The following MCPH1 variants were observed in gnomAD, a reference collection of about 807,000 sequenced individuals.
MCPH1 encodes microcephalin 1.
MCPH1 carries 104 observed loss-of-function variants against 84.5 expected under a neutral mutation model. The observed-to-expected ratio is 1.23, with a 90% confidence interval of 1.05 to 1.45. The LOEUF (loss-of-function observed/expected upper bound fraction) is 1.45, where lower values mean the gene tolerates loss of function less well. MCPH1 is among the 40% of genes most tolerant of loss of function. The pLI is 0.00. For synonymous variants in MCPH1, 514 were observed against 366.8 expected (o/e 1.40, Z -4.58); for missense variants, 1,498 against 1,005.7 (o/e 1.49, Z -6.62).
chr8:6,588,669 C>A (rs534956392), intron 12 of MCPH1, among the ~76,000 whole-genome samples: 1 of 152,388 alleles, frequency 6.6e-6, no homozygotes, highest in African/African-American at 2.4e-5. Context: ...CTGCTCTCCC[C>A]TGTCCTGCAG....
At chr8:6,578,459 TCA>T (rs1827289490) in intron 12 of MCPH1, among the ~76,000 whole-genome samples, 2 of 152,178 alleles carry the variant, frequency 1.3e-5, no homozygotes, top group Admixed American at 1.3e-4. Flanking sequence ...TGCCGATTTT[TCA>T]GAGTACATTT....
rs1434262147 is a variant in MCPH1, at chr8:6,453,617, G to A, written c.1826-1526G>A. On this transcript the variant is annotated intron_variant, in intron 8 of 13. Coordinates refer to ENST00000344683, the MANE Select transcript of MCPH1 (RefSeq NM_024596.5). ...TCCCAAATTATATCTCTAGTCCACT[G>A]CTTTTCCGATTTTGACACACTCATG... Among the ~76,000 whole-genome samples, 5 of 152,110 alleles carry A rather than the reference G, an allele frequency of 3.3e-5. 1 individual carries two copies. Among genetic ancestry groups the A allele is most frequent in the African/African-American group, 1.2e-4 (5 of 41,410 alleles).
At chr8:6,625,652 C>T (rs1049215277) in intron 13 of MCPH1, 6 of 985,308 alleles carry the variant, frequency 6.1e-6, no homozygotes, top group Non-Finnish European at 7.2e-6. Context: ...GTAATTTGAG[C>T]CGGGCGTGGT....
rs113035607 is a variant in MCPH1 at position 6,475,652 on chromosome 8, A to G, written c.1936-1942A>G. Among the ~76,000 whole-genome samples the G allele has an allele frequency of 3.6e-4, 55 of 152,338 alleles. 1 individual carries two copies. The highest frequency in any genetic ancestry group is 1.3e-3 in the African/African-American group (52 of 41,586). ...CAATGCTCTATCCCCAGGTCACCAGAAGAATGAATGAAGTGTCAGGCATAG... is the reference window on the plus strand; with the variant it reads ...CAATGCTCTATCCCCAGGTCACCAGGAGAATGAATGAAGTGTCAGGCATAG... On this transcript the variant is annotated intron_variant, in intron 9 of 13. Coordinates refer to ENST00000344683, the MANE Select transcript of MCPH1 (RefSeq NM_024596.5).
intron 12 of MCPH1, among the ~76,000 whole-genome samples, chr8:6,558,639 T>C (rs929888807): frequency 3.9e-5 from 6 of 152,178 alleles, no homozygotes; most frequent in African/African-American, 1.4e-4. Flanking sequence ...GTATTTAGAC[T>C]ATATGGATTA....
chr8:6,626,703 A>C (rs991278144), intron 13 of MCPH1: 11 of 984,986 alleles, frequency 1.1e-5, no homozygotes, highest in Non-Finnish European at 1.3e-5. Context: ...CGAAACGAAG[A>C]CCCTGGGGTC....
chr8:6,468,926 T>C (rs1807346169), intron 9 of MCPH1, among the ~76,000 whole-genome samples: 1 of 152,190 alleles, frequency 6.6e-6, no homozygotes, highest in African/African-American at 2.4e-5. Flanking sequence ...CAGTGGCTCA[T>C]GCTTGTAATC....
At chr8:6,417,583 A>G (rs1274721792) in intron 3 of MCPH1, among the ~76,000 whole-genome samples, 2 of 151,870 alleles carry the variant, frequency 1.3e-5, no homozygotes, top group Non-Finnish European at 2.9e-5. Flanking sequence ...CATCAAATCC[A>G]TTCTGCTACT....
intron 3 of MCPH1, among the ~76,000 whole-genome samples, chr8:6,424,460 C>A (rs1162600158): frequency 1.3e-5 from 2 of 152,270 alleles, no homozygotes; most frequent in East Asian, 3.9e-4. Flanking sequence ...CGGCTCCTTT[C>A]CTCCCGGAAT....
rs200820759 is a variant in MCPH1, at chr8:6,621,533, C to T, written c.2294C>T (p.Ser765Leu). The change falls in exon 13 of 14, where the codon TCG (serine) becomes TTG (leucine). Residue 765 changes from serine (S) to leucine (L), a missense_variant. Ser to Leu is a moderately radical substitution (Grantham distance 145). Transcript: ENST00000344683. ...GCCGACCAGCCAGCGATGTTTGTCT[C>T]GCCTGCCAGCAGCCCCCCAGTGGCC... The part of the protein sequence containing the change: ...LFADQPAMFV[S>L]PASSPPVAKL... 1 of 1,614,218 alleles carries T rather than the reference C, an allele frequency of 6.2e-7. No individual in the cohort carries two copies. Among genetic ancestry groups the T allele is most frequent in the Admixed American group, 1.7e-5 (1 of 60,022 alleles).
At chr8:6,506,040 C>A (rs1813661901) in intron 12 of MCPH1, among the ~76,000 whole-genome samples, 1 of 142,654 alleles carries the variant, frequency 7.0e-6, no homozygotes, top group African/African-American at 2.6e-5. Context: ...TATATATATT[C>A]TTTATATATA....
intron 9 of MCPH1, among the ~76,000 whole-genome samples, chr8:6,468,989 G>A (rs1807360793): frequency 6.6e-6 from 1 of 152,116 alleles, no homozygotes. Context: ...AGGAGTTCAA[G>A]ACCAGCCTGG....
intron 10 of MCPH1, among the ~76,000 whole-genome samples, chr8:6,478,381 A>T (rs748473216): frequency 2.0e-5 from 3 of 152,366 alleles, no homozygotes; most frequent in Admixed American, 2.0e-4. Context: ...TATGAAATAT[A>T]TTGAACATTC....
chr8:6,429,901 C>G (rs535390486), intron 3 of MCPH1, among the ~76,000 whole-genome samples: 3 of 152,312 alleles, frequency 2.0e-5, no homozygotes, highest in Non-Finnish European at 4.4e-5. Context: ...GGACAGGGTC[C>G]AAGCTCATTA....
intron 8 of MCPH1, among the ~76,000 whole-genome samples, chr8:6,453,270 A>G (rs769531072): frequency 1.3e-5 from 2 of 152,208 alleles, no homozygotes; most frequent in African/African-American, 4.8e-5. Flanking sequence ...ACCGATGTCA[A>G]TGTTAAAACC....
chr8:6,596,467 G>T (rs557384729), intron 12 of MCPH1, among the ~76,000 whole-genome samples: 3 of 152,202 alleles, frequency 2.0e-5, no homozygotes, highest in African/African-American at 7.2e-5. Flanking sequence ...TGTGTCTAAC[G>T]TAGGTATCTT....
intron 12 of MCPH1, among the ~76,000 whole-genome samples, chr8:6,576,271 C>T (rs574689219): frequency 1.0e-3 from 154 of 152,242 alleles, no homozygotes; most frequent in Middle Eastern, 6.8e-3. Context: ...TGCAGCCACC[C>T]TATAAAAGAA....
chr8:6,582,237 C>T (rs143755588), intron 12 of MCPH1, among the ~76,000 whole-genome samples: 6 of 152,324 alleles, frequency 3.9e-5, no homozygotes, highest in East Asian at 3.9e-4. Flanking sequence ...TTTAGAATTA[C>T]GCCTTGCATA....
intron 12 of MCPH1, among the ~76,000 whole-genome samples, chr8:6,567,002 C>T (rs1203927360): frequency 1.4e-5 from 2 of 138,816 alleles, no homozygotes; most frequent in Admixed American, 7.1e-5. Context: ...GTGTGATCGG[C>T]AAGGCCATAG....
Sources: allele counts gnomAD v4.1 joint callset (sites outside exome capture counted in the v4.1 genomes callset), GRCh38; gene constraint gnomAD v4.1.1; transcripts MANE v1.5; gene names NCBI Gene and HGNC (gene_info 2026-07-23, HGNC 2026-07-21).